Variants in NFIC observed in about 807,000 individuals in gnomAD.
NFIC encodes nuclear factor 1 C-type.
In NFIC, 12 loss-of-function variants were observed where a neutral mutation model predicts 54.4. The observed-to-expected ratio is 0.22, with a 90% CI of 0.14 to 0.36. The LOEUF (loss-of-function observed/expected upper bound fraction) is 0.36, where lower values mean the gene tolerates loss of function less well. NFIC is among the 10% of genes least tolerant of loss of function. The pLI is 1.00. For missense variants in NFIC, 575 were observed against 718.2 expected, an observed-to-expected ratio of 0.80 and a Z score of 2.28; for synonymous variants, 322 against 319.2, an observed-to-expected ratio of 1.01 and a Z score of -0.09.
chr19:3,456,553 ACT>A lies in NFIC; in HGVS notation c.1431_1432del (p.Pro478AlafsTer63). 1 of 1,550,836 alleles carries A rather than the reference ACT, an allele frequency of 6.4e-7. No individual in the cohort carries two copies. The highest frequency in any genetic ancestry group is 8.7e-7 in the Non-Finnish European group (1 of 1,146,814). ...TCGGTCTCTCTCCTCCCTGCAGCCT[ACT>A]CTCCGCCCGACACGTCCCCTGCAAA... On this transcript the variant is annotated frameshift_variant, in exon 10 of 11. Coordinates refer to ENST00000443272, the MANE Select transcript of NFIC (RefSeq NM_001245002.2). LOFTEE classifies it high-confidence loss of function.
At chr19:3,374,350 C>T (rs1447241722) in intron 1 of NFIC, among the ~76,000 whole-genome samples, 1 of 152,200 alleles carries the variant, frequency 6.6e-6, no homozygotes, top group African/African-American at 2.4e-5. Context: ...GCCTTGTTCC[C>T]CTTCTCCCCA....
intron 1 of NFIC, among the ~76,000 whole-genome samples, chr19:3,377,741 A>G (rs1198013231): frequency 6.6e-6 from 1 of 151,844 alleles, no homozygotes; most frequent in Non-Finnish European, 1.5e-5. Context: ...CCTCCTAAGT[A>G]GCTAGGACTA....
chr19:3,398,670 C>A (rs1020561516), intron 2 of NFIC, among the ~76,000 whole-genome samples: 1 of 151,894 alleles, frequency 6.6e-6, no homozygotes, highest in Non-Finnish European at 1.5e-5. Flanking sequence ...CGGGTGGCTA[C>A]GACGCTCCCG....
At chr19:3,397,522 T>A (rs1416070059) in intron 2 of NFIC, among the ~76,000 whole-genome samples, 2 of 152,102 alleles carry the variant, frequency 1.3e-5, no homozygotes. Context: ...AGGTCGGGTG[T>A]CTCTGTGACT....
At position 3,454,004 on chromosome 19, in the gene NFIC, C is replaced by T. The variant is rs2082511978; in HGVS notation, c.1423+88C>T. ...CCAGCCCCACTGCCAGGTCAGAGGT[C>T]AGGCCCGACCCTGCAGGGCCTGGCG... On this transcript the variant is annotated intron_variant, in intron 9 of 10. Transcript: ENST00000443272. 5 of 1,415,126 alleles carry T rather than the reference C, an allele frequency of 3.5e-6. No homozygotes were observed. The South Asian group carries it at 4.6e-5, about 13-fold the overall frequency. The allele number at this position is 1,415,126 out of a possible 1,614,324, so 87.7% of individuals were successfully genotyped here. A position where few individuals can be genotyped will look rare whatever the true frequency, so the allele number is the denominator to read the frequency against.
At chr19:3,381,417 G>T (rs868180800) in intron 1 of NFIC, among the ~76,000 whole-genome samples, 8 of 122,108 alleles carry the variant, frequency 6.6e-5, no homozygotes, top group South Asian at 2.7e-4. Flanking sequence ...AAAAAAAAAT[G>T]ATCCTCCACA....
At chr19:3,420,205 C>T (rs949244426) in intron 2 of NFIC, among the ~76,000 whole-genome samples, 7 of 152,022 alleles carry the variant, frequency 4.6e-5, no homozygotes, top group Non-Finnish European at 8.8e-5. Context: ...CCTGGGGCCC[C>T]AGCTACTTGG....
At chr19:3,434,002 T>C (rs1303987735) in intron 4 of NFIC, among the ~76,000 whole-genome samples, 1 of 152,138 alleles carries the variant, frequency 6.6e-6, no homozygotes, top group African/African-American at 2.4e-5. Context: ...CTGTCCTTCT[T>C]TAGCCCTGAC....
rs954003876 is a variant in NFIC, at chr19:3,466,778, C to G, written c.*4009C>G. 2 of 152,188 alleles carry G rather than the reference C, an allele frequency of 1.3e-5. No homozygotes were observed. The highest frequency in any genetic ancestry group is 1.5e-5 in the Non-Finnish European group (1 of 68,066). 9.4% of individuals were successfully genotyped at this position (152,188 alleles called of 1,614,324 possible). On this transcript the variant is annotated 3_prime_UTR_variant, in exon 11 of 11. Coordinates refer to ENST00000443272, the MANE Select transcript of NFIC (RefSeq NM_001245002.2). The surrounding 1 kb of genome is among the most constrained non-coding windows in gnomAD (Gnocchi z 4.8). Reference sequence around the variant, plus strand: ...TTGGGACCATCGCGTCCCTGCACAGCCCACACCCGGGGGCCCAGAGTCCTG... The same window carrying G: ...TTGGGACCATCGCGTCCCTGCACAGGCCACACCCGGGGGCCCAGAGTCCTG...
Position 3,463,353 on chromosome 19 carries a change from C to T in NFIC, c.*584C>T, listed in dbSNP as rs2082668912. On this transcript the variant is annotated 3_prime_UTR_variant, in exon 11 of 11. Coordinates refer to ENST00000443272, the MANE Select transcript of NFIC (RefSeq NM_001245002.2). ...CCACTGGGGGGAAAGGGAGACACAG[C>T]GGACCCCGGCCGGGCAGCGGAGACC... is the stretch of plus-strand genomic sequence containing the variant. 3 of 986,334 alleles carry T rather than the reference C, an allele frequency of 3.0e-6. No homozygotes were observed. Among genetic ancestry groups the T allele is most frequent in the Non-Finnish European group, 3.6e-6 (3 of 830,662 alleles). The allele number at this position is 986,334 out of a possible 1,614,324, so 61.1% of individuals were successfully genotyped here. A position where few individuals can be genotyped will look rare whatever the true frequency, so the allele number is the denominator to read the frequency against.
chr19:3,366,489 G>T, upstream of NFIC: 1 of 514,490 alleles, frequency 1.9e-6, no homozygotes. Flanking sequence ...GAGGAGGAGG[G>T]AGACCGAGGG....
At chr19:3,371,080 A>T (rs199525590) in intron 1 of NFIC, among the ~76,000 whole-genome samples, 2 of 152,298 alleles carry the variant, frequency 1.3e-5, no homozygotes, top group East Asian at 3.9e-4. Flanking sequence ...CTGCCTGAAA[A>T]TCTTGCTCAG....
At chr19:3,395,365 C>T (rs997925883) in intron 2 of NFIC, among the ~76,000 whole-genome samples, 1 of 151,762 alleles carries the variant, frequency 6.6e-6, no homozygotes, top group Admixed American at 6.6e-5. Flanking sequence ...ACTCTTTTGC[C>T]CAGACTGGAG....
rs1186489362 is a variant in NFIC, at chr19:3,382,520, C to T, written c.562+277C>T. ...GTAGGTGATATGGCACAAGGAGAGT[C>T]TGAGAGAGGAGGCCAGTGCATATAG... On this transcript the variant is annotated intron_variant, in intron 2 of 10. Transcript: ENST00000443272. 2.6e-5 allele frequency among the ~76,000 whole-genome samples: 4 copies of T among 151,464 alleles called. No individual in the cohort carries two copies. In the East Asian group the frequency reaches 7.8e-4, roughly 29 times the overall value.
intron 3 of NFIC, among the ~76,000 whole-genome samples, chr19:3,426,403 T>C (rs948821937): frequency 1.3e-5 from 2 of 152,030 alleles, no homozygotes; most frequent in Non-Finnish European, 2.9e-5. Context: ...AATAGATGGG[T>C]AGGACAGTGT....
chr19:3,412,243 G>A (rs1034667421), intron 2 of NFIC, among the ~76,000 whole-genome samples: 7 of 151,504 alleles, frequency 4.6e-5, no homozygotes, highest in African/African-American at 1.7e-4. Flanking sequence ...CCACCACGCT[G>A]GGCTAATTTT....
chr19:3,458,634 G>A lies in NFIC; in HGVS notation c.1509+1999G>A, dbSNP rs2082595378. ...ACCAGGGCTGGCAGAATGGGGTGTG[G>A]GGGGGCACTGGCAAGGGGCTCAGCA... On this transcript the variant is annotated intron_variant, in intron 10 of 10. Transcript: ENST00000443272. This position sits in a 1 kb window ranked among gnomAD's most constrained non-coding sequence, Gnocchi z 4.1. Among the ~76,000 whole-genome samples, 1 of 151,964 alleles carries A rather than the reference G, an allele frequency of 6.6e-6. No homozygotes were observed. Among genetic ancestry groups the A allele is most frequent in the African/African-American group, 2.4e-5 (1 of 41,376 alleles).
At chr19:3,379,502 T>C (rs1156603703) in intron 1 of NFIC, among the ~76,000 whole-genome samples, 1 of 151,508 alleles carries the variant, frequency 6.6e-6, no homozygotes, top group East Asian at 1.9e-4. Flanking sequence ...TGTGCCACCA[T>C]GCCCAGCTAA....
intron 6 of NFIC, among the ~76,000 whole-genome samples, chr19:3,435,568 C>T (rs535920644): frequency 6.6e-6 from 1 of 152,276 alleles, no homozygotes. Flanking sequence ...TAGAATCCCT[C>T]GTCTGTAGGG....
Sources: allele counts gnomAD v4.1 joint callset (sites outside exome capture counted in the v4.1 genomes callset), GRCh38; gene constraint gnomAD v4.1.1; non-coding constraint Gnocchi (gnomAD v3.1); transcripts MANE v1.5; gene names NCBI Gene and HGNC (gene_info 2026-07-23, HGNC 2026-07-21).